Variants in CFAP46 observed in about 807,000 individuals in gnomAD.
CFAP46 encodes cilia and flagella associated protein 46.
A neutral mutation model predicts 325.7 loss-of-function variants in CFAP46; 245 were observed. That is an observed-to-expected ratio of 0.75 (90% CI 0.68 to 0.84). The LOEUF is 0.84. Ranked by LOEUF, CFAP46 falls within the 40% of genes least tolerant of loss-of-function variation. The pLI is 0.00. For synonymous variants in CFAP46, 1,523 were observed against 1,495.9 expected, an observed-to-expected ratio of 1.02 and a Z score of -0.42; for missense variants, 3,346 against 3,543.0, an observed-to-expected ratio of 0.94 and a Z score of 1.41.
At chr10:132,865,899 C>T (rs1390195743) in intron 35 of CFAP46, 126 bp downstream of exon 35, 10 of 960,010 alleles carry the variant, frequency 1.0e-5, no homozygotes, top group Non-Finnish European at 9.7e-6. Context: ...TGGACCCAGA[C>T]AAGAGAGGCA....
intron 32 of CFAP46, among the ~76,000 whole-genome samples, chr10:132,871,612 T>C (rs1171160091): frequency 6.6e-6 from 1 of 152,182 alleles, no homozygotes; most frequent in Non-Finnish European, 1.5e-5. Context: ...GTGGAGGAAA[T>C]AGCAAGAGAA....
At chr10:132,857,190 G>A (rs72855752) in intron 39 of CFAP46, among the ~76,000 whole-genome samples, 8,706 of 152,230 alleles carry the variant, frequency 0.057, 318 homozygotes, top group Non-Finnish European at 0.077. Context: ...AGGACACTCC[G>A]GGGCCTCCCT....
intron 37 of CFAP46, 46 bp from the exon 38 acceptor site, chr10:132,859,293 C>G: frequency 6.7e-7 from 1 of 1,502,224 alleles, no homozygotes; most frequent in Non-Finnish European, 8.9e-7. Context: ...GCCCCAGGGC[C>G]GCGTCAGGGC....
At chr10:132,891,805 A>T (rs1849257956) in intron 25 of CFAP46, among the ~76,000 whole-genome samples, 1 of 152,120 alleles carries the variant, frequency 6.6e-6, no homozygotes, top group Admixed American at 6.5e-5. Flanking sequence ...TTAGATAATA[A>T]CTCTTTCAAC....
At chr10:132,931,561 C>T (rs571461368) in intron 8 of CFAP46, among the ~76,000 whole-genome samples, 1 of 134,582 alleles carries the variant, frequency 7.4e-6, no homozygotes, top group African/African-American at 2.7e-5. Flanking sequence ...TCACACAGAG[C>T]CTGGGCCTTC....
chr10:132,839,379 C>T (rs955399847), intron 44 of CFAP46, among the ~76,000 whole-genome samples: 1 of 152,256 alleles, frequency 6.6e-6, no homozygotes, highest in African/African-American at 2.4e-5. Context: ...GCTAAGACCT[C>T]ACCGGAAGGA....
intron 39 of CFAP46, among the ~76,000 whole-genome samples, chr10:132,852,732 G>C (rs941578786): frequency 2.0e-5 from 3 of 152,160 alleles, no homozygotes; most frequent in Admixed American, 2.0e-4. Context: ...CATTTACCTA[G>C]GTATTCTCAA....
chr10:132,896,084 G>C (rs1486829496), intron 24 of CFAP46, among the ~76,000 whole-genome samples: 1 of 133,736 alleles, frequency 7.5e-6, no homozygotes, highest in Non-Finnish European at 1.6e-5. Flanking sequence ...TGAGAAGGCA[G>C]CCAGGCTCTG....
chr10:132,852,343 T>C (rs370609213), intron 39 of CFAP46, among the ~76,000 whole-genome samples: 65 of 119,686 alleles, frequency 5.4e-4, no homozygotes, highest in African/African-American at 1.8e-3. Flanking sequence ...TCTCAGATCC[T>C]GATCCACAGA....
At chr10:132,834,883 C>T in intron 47 of CFAP46, 108 bp from the exon 48 acceptor site, 2 of 1,421,392 alleles carry the variant, frequency 1.4e-6, no homozygotes, top group Middle Eastern at 2.6e-4. Flanking sequence ...CTTCTGCAAA[C>T]AGCATGGTGG....
chr10:132,932,855 A>G (rs1029276254), intron 8 of CFAP46, among the ~76,000 whole-genome samples: 5 of 152,260 alleles, frequency 3.3e-5, no homozygotes, highest in African/African-American at 1.2e-4. Flanking sequence ...TGCAGGGATC[A>G]GGATCACGCT....
chr10:132,928,031 T>G (rs1047568326), intron 9 of CFAP46, among the ~76,000 whole-genome samples: 8 of 152,120 alleles, frequency 5.3e-5, no homozygotes, highest in Admixed American at 2.6e-4. Context: ...CAGAGGAACA[T>G]GCTGTGCAGG....
Position 132,857,797 on chromosome 10 carries a change from G to C in CFAP46, c.5376-9C>G. On this transcript the variant is annotated splice_polypyrimidine_tract_variant and intron_variant, in intron 38 of 57. Coordinates refer to ENST00000368586, the MANE Select transcript of CFAP46 (RefSeq NM_001200049.3). ...CGTTCTGGGCACGTAACCTTTATAA[G>C]ACATAAGAATGGAATTTTAAAACAT... The C allele has an allele frequency of 2.0e-6, 3 of 1,506,086 alleles. No homozygotes were observed. The highest frequency in any genetic ancestry group is 2.7e-6 in the Non-Finnish European group (3 of 1,127,922). 93.3% of individuals were successfully genotyped at this position (1,506,086 alleles called of 1,614,324 possible). A position where few individuals can be genotyped will look rare whatever the true frequency, so the allele number is the denominator to read the frequency against.
Position 132,836,837 on chromosome 10 carries a change from A to G in CFAP46, c.6516T>C (p.Phe2172=). Residue 2172 remains phenylalanine (F), a synonymous_variant, in exon 45 of 58, where the codon TTT becomes TTC. Coordinates refer to ENST00000368586, the MANE Select transcript of CFAP46 (RefSeq NM_001200049.3). ...NEMPPTFWIL[F]LHLSGDRSRL... Reference sequence around the variant, plus strand: ...TTTACCTGTCCCCTGAGAGGTGCAGAAAGAGGATCCAAAAGGTCGGAGGCA... The same window carrying G: ...TTTACCTGTCCCCTGAGAGGTGCAGGAAGAGGATCCAAAAGGTCGGAGGCA... 6.2e-7 allele frequency: 1 copy of G among 1,613,780 alleles called. No individual in the cohort carries two copies. Among genetic ancestry groups the G allele is most frequent in the African/African-American group, 1.3e-5 (1 of 75,068 alleles).
intron 44 of CFAP46, among the ~76,000 whole-genome samples, chr10:132,841,514 T>C (rs1848345137): frequency 6.6e-6 from 1 of 152,222 alleles, no homozygotes; most frequent in African/African-American, 2.4e-5. Context: ...TCCACAGCTC[T>C]GGGGTCCTGG....
chr10:132,938,721 AGGACTGATGCATT>A lies in CFAP46; in HGVS notation c.391_403del (p.Asn131SerfsTer6). 1 of 1,613,490 alleles carries A rather than the reference AGGACTGATGCATT, an allele frequency of 6.2e-7. No individual in the cohort carries two copies. The highest frequency in any genetic ancestry group is 1.3e-5 in the African/African-American group (1 of 75,056). ...GAACGGCCTCACCATCTGCCAGTAG[AGGACTGATGCATT>A]GTACACCAAAAAGTAGTACCTGCGG... On this transcript the variant is annotated frameshift_variant, in exon 5 of 58. Transcript: ENST00000368586. LOFTEE classifies it high-confidence loss of function.
chr10:132,824,850 ATG>A (rs377100020), intron 50 of CFAP46, among the ~76,000 whole-genome samples: 29 of 102,750 alleles, frequency 2.8e-4, no homozygotes, highest in East Asian at 6.6e-4. Context: ...GTGAGCGCTG[ATG>A]TGTGTGTGTG....
intron 15 of CFAP46, among the ~76,000 whole-genome samples, chr10:132,918,937 G>A (rs149117047): frequency 1.7e-3 from 252 of 152,264 alleles, no homozygotes; most frequent in Middle Eastern, 6.8e-3. Flanking sequence ...CTCCAGGGCC[G>A]GGTGCTGATT....
chr10:132,873,871 C>CA (rs1209306642), intron 31 of CFAP46, among the ~76,000 whole-genome samples: 3 of 152,134 alleles, frequency 2.0e-5, no homozygotes, highest in Non-Finnish European at 4.4e-5. Context: ...AACTTCATGG[C>CA]AATACATCCA....
Sources: gnomAD v4.1 joint callset for allele counts (sites outside exome capture counted in the v4.1 genomes callset) on GRCh38, gnomAD v4.1.1 for gene constraint, MANE v1.5 for transcripts, NCBI Gene and HGNC (gene_info 2026-07-23, HGNC 2026-07-21) for gene names.